Variants in CDC42 observed in about 807,000 individuals in gnomAD.
CDC42 encodes the protein cell division control protein 42 homolog.
Under a neutral mutation model 20.8 loss-of-function variants are expected in CDC42, and 1 was observed. That is an observed-to-expected ratio of 0.05 (90% CI 0.02 to 0.23). The LOEUF (loss-of-function observed/expected upper bound fraction) is 0.23. Ranked by LOEUF, CDC42 falls within the 10% of genes least tolerant of loss-of-function variation. The pLI is 1.00. For missense variants in CDC42, 49 were observed against 227.9 expected (o/e 0.21, Z 5.05); for synonymous variants, 72 against 84.8 (o/e 0.85, Z 0.83).
At chr1:22,064,416 C>T (rs997328027) in intron 1 of CDC42, among the ~76,000 whole-genome samples, 5 of 152,102 alleles carry the variant, frequency 3.3e-5, no homozygotes, top group Non-Finnish European at 1.5e-5. Flanking sequence ...TCTCAGCCTC[C>T]TGTGTAGCTG....
At chr1:22,083,820 G>C (rs1645632593) in intron 3 of CDC42, among the ~76,000 whole-genome samples, 1 of 152,096 alleles carries the variant, frequency 6.6e-6, no homozygotes, top group Non-Finnish European at 1.5e-5. Flanking sequence ...CCCTTGACCT[G>C]GTTCCAGGCA....
rs1174303286 is a variant in CDC42 at position 22,086,709 on chromosome 1, T to A, written c.329T>A (p.Phe110Tyr). The change falls in exon 5 of 6, where the codon TTC becomes TAC. Residue 110 changes from phenylalanine (F) to tyrosine (Y), a missense_variant. Physicochemically the swap from Phe to Tyr is conservative, Grantham distance 22. Transcript: ENST00000656825. The part of the protein sequence containing the change: ...EITHHCPKTP[F>Y]LLVGTQIDLR... ...ACTCACCACTGTCCAAAGACTCCTTTCTTGCTTGTTGGGACTCAAATTGAT... is the reference window on the plus strand; with the variant it reads ...ACTCACCACTGTCCAAAGACTCCTTACTTGCTTGTTGGGACTCAAATTGAT... The A allele has an allele frequency of 6.2e-7, 1 of 1,614,124 alleles. No individual in the cohort carries two copies. The highest frequency in any genetic ancestry group is 1.1e-5 in the South Asian group (1 of 91,080).
At chr1:22,089,164 G>A (rs1195790054) in intron 5 of CDC42, among the ~76,000 whole-genome samples, 4 of 152,214 alleles carry the variant, frequency 2.6e-5, no homozygotes, top group African/African-American at 9.7e-5. Flanking sequence ...TTTTAGGTGA[G>A]TCTGTAGACC....
intron 3 of CDC42, among the ~76,000 whole-genome samples, chr1:22,084,885 A>G (rs557218601): frequency 2.0e-5 from 3 of 152,198 alleles, no homozygotes; most frequent in Admixed American, 6.5e-5. Context: ...TCTCAGCACC[A>G]TTTATTGAAG....
Position 22,080,758 on chromosome 1 carries a change from A to C in CDC42, c.106-964A>C, listed in dbSNP as rs1248973991. ...CAAATAACTTCGTACAACCGATATT[A>C]GCATATGCTTTACTGAATTTGATAA... On this transcript the variant is annotated intron_variant, in intron 2 of 5. Transcript: ENST00000656825. 2.0e-5 allele frequency among the ~76,000 whole-genome samples: 3 copies of C among 152,196 alleles called. No individual in the cohort carries two copies. The East Asian group carries it at 5.8e-4, about 29-fold the overall frequency.
chr1:22,055,164 A>G (rs2152825372), intron 1 of CDC42, among the ~76,000 whole-genome samples: 1 of 151,216 alleles, frequency 6.6e-6, no homozygotes, highest in East Asian at 1.9e-4. Flanking sequence ...GGTGTTAGCC[A>G]GGATAGTCTT....
intron 1 of CDC42, among the ~76,000 whole-genome samples, chr1:22,076,817 A>G (rs915829336): frequency 1.3e-5 from 2 of 152,056 alleles, no homozygotes; most frequent in African/African-American, 4.8e-5. Flanking sequence ...GGAGAAGGAA[A>G]AAGGAGATAT....
At chr1:22,081,287 A>T (rs1366075114) in intron 2 of CDC42, among the ~76,000 whole-genome samples, 3 of 152,142 alleles carry the variant, frequency 2.0e-5, no homozygotes, top group African/African-American at 7.2e-5. Flanking sequence ...CTTTTCTAGG[A>T]CTCTGAAAGG....
rs1265854964 is a variant in CDC42, at chr1:22,099,630, T to C, written c.*8113T>C. Among the ~76,000 whole-genome samples, 1 of 152,128 alleles carries C rather than the reference T, an allele frequency of 6.6e-6. No individual in the cohort carries two copies. The highest frequency in any genetic ancestry group is 1.5e-5 in the Non-Finnish European group (1 of 68,016). ...GGCTTCATCTGTAAGGGTAGGTTTG[T>C]TGGGTAGGAGCTTTTTGGGGGAGGT... On this transcript the variant is annotated 3_prime_UTR_variant, in exon 6 of 6. Transcript: ENST00000656825.
rs140736576 is a variant in CDC42 at position 22,078,006 on chromosome 1, C to T, written c.-50-423C>T. ...GGCTGAATAAGGCTGGATCATGAAC[C>T]ATTCTTTAAAGCAGTGGCCTTTGTA... On this transcript the variant is annotated intron_variant, in intron 1 of 5. Transcript: ENST00000656825. 6.6e-5 allele frequency among the ~76,000 whole-genome samples: 10 copies of T among 152,304 alleles called. No homozygotes were observed. In the East Asian group the frequency reaches 1.9e-3, roughly 29 times the overall value.
At chr1:22,078,887 T>A (rs1645578611) in intron 2 of CDC42, 17 of 36,086 alleles carry the variant, frequency 4.7e-4, no homozygotes, top group Non-Finnish European at 5.0e-4. Context: ...ATGAGGTGAC[T>A]TTTTTTTTTT....
intron 1 of CDC42, among the ~76,000 whole-genome samples, chr1:22,065,450 G>C (rs1368484884): frequency 6.6e-6 from 1 of 152,200 alleles, no homozygotes; most frequent in Non-Finnish European, 1.5e-5. Flanking sequence ...GGATTTTTCT[G>C]AGTTCCCTCT....
chr1:22,086,877 C>T lies in CDC42; in HGVS notation c.486+11C>T, dbSNP rs1645666434. On this transcript the variant is annotated intron_variant, in intron 5 of 5. Transcript: ENST00000656825. ...TCTGCACTTACACAGGTAAGAATGG[C>T]ATGAAACCCCATGTGTATTTATGGT... 2 of 1,602,104 alleles carry T rather than the reference C, an allele frequency of 1.2e-6. No individual in the cohort carries two copies. The highest frequency in any genetic ancestry group is 1.3e-5 in the African/African-American group (1 of 74,770).
intron 2 of CDC42, among the ~76,000 whole-genome samples, chr1:22,079,211 T>C (rs1645583461): frequency 6.6e-6 from 1 of 151,648 alleles, no homozygotes; most frequent in African/African-American, 2.4e-5. Context: ...CGATCTCGGC[T>C]TGCTGCACCC....
chr1:22,074,596 A>G (rs1645528051), intron 1 of CDC42, among the ~76,000 whole-genome samples: 1 of 151,932 alleles, frequency 6.6e-6, no homozygotes, highest in South Asian at 2.1e-4. Flanking sequence ...TAAGAAAAAA[A>G]GAAATAGAGG....
chr1:22,056,565 T>C (rs1645306734), intron 1 of CDC42, among the ~76,000 whole-genome samples: 1 of 152,242 alleles, frequency 6.6e-6, no homozygotes, highest in South Asian at 2.1e-4. Flanking sequence ...ACTTTTAGTT[T>C]CTCATACCTT....
intron 1 of CDC42, among the ~76,000 whole-genome samples, chr1:22,073,461 C>T (rs1453410721): frequency 6.6e-6 from 1 of 151,768 alleles, no homozygotes; most frequent in African/African-American, 2.4e-5. Context: ...ATCGCTTGAA[C>T]CCTGGAGGCG....
rs573748360 is a variant in CDC42 at position 22,090,182 on chromosome 1, T to A, written c.487-1246T>A. The A allele has an allele frequency of 6.7e-6, 9 of 1,338,242 alleles. No individual in the cohort carries two copies. The East Asian group carries it at 1.6e-4, about 24-fold the overall frequency. 82.9% of individuals were successfully genotyped at this position (1,338,242 alleles called of 1,614,324 possible). A position where few individuals can be genotyped will look rare whatever the true frequency, so the allele number is the denominator to read the frequency against. On this transcript the variant is annotated intron_variant, in intron 5 of 5. Transcript: ENST00000656825. Reference sequence around the variant, plus strand: ...GAGCAACCTCTGTATTAGTTTTTGATCAAGAATGCAATATCATATAAATTT... The same window carrying A: ...GAGCAACCTCTGTATTAGTTTTTGAACAAGAATGCAATATCATATAAATTT...
intron 1 of CDC42, among the ~76,000 whole-genome samples, chr1:22,074,434 C>T (rs1380503026): frequency 1.3e-5 from 2 of 152,028 alleles, no homozygotes; most frequent in Non-Finnish European, 2.9e-5. Context: ...TCTTTGCTGC[C>T]GTAGTGATTT....
Sources: allele counts gnomAD v4.1 joint callset (sites outside exome capture counted in the v4.1 genomes callset), GRCh38; gene constraint gnomAD v4.1.1; transcripts MANE v1.5; gene names NCBI Gene and HGNC (gene_info 2026-07-23, HGNC 2026-07-21).